The following TASOR2 variants were observed in gnomAD, a reference collection of about 807,000 sequenced individuals.
TASOR2 encodes the protein transcription activation suppressor family member 2, also known as protein TASOR 2.
TASOR2 carries 84 observed loss-of-function variants against 199.5 expected under a neutral mutation model. That is an observed-to-expected ratio of 0.42 (90% CI 0.35 to 0.50). The LOEUF is 0.50. Ranked by LOEUF, TASOR2 falls within the 20% of genes least tolerant of loss-of-function variation. TASOR2 has a pLI of 0.02. For missense variants in TASOR2, 2,796 were observed against 2,835.9 expected (o/e 0.99, Z 0.32); for synonymous variants, 1,103 against 1,046.6 (o/e 1.05, Z -1.04).
intron 1 of TASOR2, among the ~76,000 whole-genome samples, chr10:5,707,875 T>G (rs1049924248): frequency 6.6e-6 from 1 of 152,114 alleles, no homozygotes; most frequent in Non-Finnish European, 1.5e-5. Flanking sequence ...ATCCAATGTG[T>G]CTTTAACCAC....
intron 1 of TASOR2, among the ~76,000 whole-genome samples, chr10:5,703,948 C>T (rs945203825): frequency 2.6e-5 from 4 of 151,506 alleles, no homozygotes; most frequent in East Asian, 3.9e-4. Flanking sequence ...CTTGGCCAGG[C>T]GTGGTGGCTC....
At chr10:5,758,614 T>C (rs1309949418) in intron 17 of TASOR2, among the ~76,000 whole-genome samples, 2 of 152,208 alleles carry the variant, frequency 1.3e-5, no homozygotes, top group African/African-American at 4.8e-5. Context: ...TGTCACACAA[T>C]TTGTACACAG....
At position 5,745,093 on chromosome 10, in the gene TASOR2, C is replaced by T. The variant is rs976942659; in HGVS notation, c.2758-1086C>T. Among the ~76,000 whole-genome samples the T allele has an allele frequency of 8.5e-5, 13 of 152,268 alleles. 1 individual carries two copies. The highest frequency in any genetic ancestry group is 2.6e-4 in the Admixed American group (4 of 15,298). ...CATTTTATTATATGCTCGACAAGGC[C>T]ATGCTTGAGGCTTTAAATAAAACAA... On this transcript the variant is annotated intron_variant, in intron 14 of 20. Coordinates refer to ENST00000328090, the Ensembl canonical transcript of TASOR2.
At chr10:5,747,697 A>C in exon 15 of TASOR2, 1 of 1,614,190 alleles carries the variant, frequency 6.2e-7, no homozygotes, top group Non-Finnish European at 8.5e-7. Flanking sequence ...ATGCATTTTA[A>C]AACTTCATGG....
intron 1 of TASOR2, chr10:5,712,143 C>T (rs1832002844): frequency 4.1e-6 from 1 of 243,056 alleles, no homozygotes; most frequent in East Asian, 7.8e-5. Context: ...CAGCTTTCAA[C>T]CAAAAGACAT....
At chr10:5,696,502 G>A (rs964673147) in intron 1 of TASOR2, among the ~76,000 whole-genome samples, 3 of 152,126 alleles carry the variant, frequency 2.0e-5, no homozygotes, top group Non-Finnish European at 4.4e-5. Context: ...GAATACAGGC[G>A]TATGCCCCCA....
intron 1 of TASOR2, among the ~76,000 whole-genome samples, chr10:5,696,177 G>A (rs540439871): frequency 1.3e-5 from 2 of 152,034 alleles, no homozygotes; most frequent in African/African-American, 2.4e-5. Context: ...TCAGGCTTAC[G>A]TGCCCCTCAA....
intron 1 of TASOR2, among the ~76,000 whole-genome samples, chr10:5,695,529 G>A (rs1206269966): frequency 1.3e-5 from 2 of 152,108 alleles, no homozygotes; most frequent in Admixed American, 6.5e-5. Flanking sequence ...TAAAATAATG[G>A]CAATAGTAGC....
intron 1 of TASOR2, among the ~76,000 whole-genome samples, chr10:5,707,763 C>G (rs1035895369): frequency 1.7e-3 from 209 of 124,676 alleles, no homozygotes; most frequent in African/African-American, 5.3e-3. Context: ...CACACACACA[C>G]ACACACACAC....
At chr10:5,745,517 C>G (rs1837064175) in intron 14 of TASOR2, among the ~76,000 whole-genome samples, 1 of 152,202 alleles carries the variant, frequency 6.6e-6, no homozygotes, top group South Asian at 2.1e-4. Flanking sequence ...CAGTGGCTCA[C>G]ACCTGTAATC....
At chr10:5,727,174 C>T (rs1284246258) in intron 10 of TASOR2, 51 bp downstream of exon 11, 19 of 1,593,130 alleles carry the variant, frequency 1.2e-5, no homozygotes, top group Non-Finnish European at 1.5e-5. Flanking sequence ...TATATTTAGT[C>T]CTCATCTGAC....
chr10:5,717,462 G>A (rs183302064), intron 2 of TASOR2, among the ~76,000 whole-genome samples, 197 bp from the exon 4 acceptor site: 15 of 152,052 alleles, frequency 9.9e-5, no homozygotes, highest in African/African-American at 3.4e-4. Context: ...CTTATGTTTC[G>A]AAAGAGTTGC....
intron 1 of TASOR2, among the ~76,000 whole-genome samples, chr10:5,705,705 C>T (rs1459603859): frequency 6.6e-6 from 1 of 152,084 alleles, no homozygotes. Flanking sequence ...TTAATTAGCA[C>T]TTCCCTGATA....
chr10:5,754,856 A>T lies in TASOR2; in HGVS notation c.6607-1757A>T, dbSNP rs1838656675. Among the ~76,000 whole-genome samples, 1 of 151,448 alleles carries T rather than the reference A, an allele frequency of 6.6e-6. No homozygotes were observed. Among genetic ancestry groups the T allele is most frequent in the South Asian group, 2.1e-4 (1 of 4,730 alleles). On this transcript the variant is annotated intron_variant, in intron 15 of 20. Transcript: ENST00000328090. The surrounding 1 kb of genome is among the most constrained non-coding windows in gnomAD (Gnocchi z 4.3). The stretch of plus-strand genomic sequence containing the variant: ...CAGGAGATTGAGACCTTCCTGGCTA[A>T]CACCGTGAAACCCCATCTCTACTAA...
intron 13 of TASOR2, among the ~76,000 whole-genome samples, chr10:5,741,401 A>C (rs1836406040): frequency 6.6e-6 from 1 of 152,174 alleles, no homozygotes; most frequent in Admixed American, 6.5e-5. Flanking sequence ...TGGACTCTAC[A>C]GCTGTCAGGC....
At chr10:5,726,475 G>A (rs1834074029) in intron 8 of TASOR2, among the ~76,000 whole-genome samples, 1 of 152,068 alleles carries the variant, frequency 6.6e-6, no homozygotes, top group Admixed American at 6.6e-5. Flanking sequence ...CAGCGTTTTG[G>A]GATAATTTTC....
rs917235734 is a variant in TASOR2, at chr10:5,722,822, A to G, written c.147-855A>G. ...CAGGAGTTGGAAACCAGCCTGGCCAATACGGTGAAACGCTGTCTCCACTGA... is the reference window on the plus strand; with the variant it reads ...CAGGAGTTGGAAACCAGCCTGGCCAGTACGGTGAAACGCTGTCTCCACTGA... On this transcript the variant is annotated intron_variant, in intron 6 of 20. Transcript: ENST00000328090. This position sits in a 1 kb window ranked among gnomAD's most constrained non-coding sequence, Gnocchi z 4.0. 6.6e-6 allele frequency among the ~76,000 whole-genome samples: 1 copy of G among 151,968 alleles called. No homozygotes were observed.
Position 5,738,700 on chromosome 10 carries a change from C to G in TASOR2, c.1448-918C>G, listed in dbSNP as rs1289551080. ...GGCAGGTTGTTAATTCATTTTGGAC[C>G]TGCTACTATGATAAAGAGGAACATA... On this transcript the variant is annotated intron_variant, in intron 12 of 20. Coordinates refer to ENST00000328090, the Ensembl canonical transcript of TASOR2. The surrounding 1 kb of genome is among the most constrained non-coding windows in gnomAD (Gnocchi z 4.7). Among the ~76,000 whole-genome samples the G allele has an allele frequency of 6.6e-6, 1 of 152,304 alleles. No individual in the cohort carries two copies. The highest frequency in any genetic ancestry group is 1.9e-4 in the East Asian group (1 of 5,188).
intron 1 of TASOR2, among the ~76,000 whole-genome samples, chr10:5,703,545 C>G (rs1364723510): frequency 4.4e-5 from 6 of 136,894 alleles, no homozygotes; most frequent in Non-Finnish European, 9.3e-5. Context: ...ACTCTGTCAC[C>G]CAGGCTGGAG....
Sources: gnomAD v4.1 joint callset for allele counts (sites outside exome capture counted in the v4.1 genomes callset) on GRCh38, gnomAD v4.1.1 for gene constraint, Gnocchi (gnomAD v3.1) non-coding constraint, MANE v1.5 for transcripts, NCBI Gene and HGNC (gene_info 2026-07-23, HGNC 2026-07-21) for gene names.